The following HERC6 variants were observed in gnomAD, a reference collection of about 807,000 sequenced individuals.
HERC6 encodes probable E3 ubiquitin-protein ligase HERC6.
HERC6 carries 101 observed loss-of-function variants against 114.5 expected under a neutral mutation model. The ratio of observed to expected loss-of-function variants is 0.88; its 90% CI spans 0.75 to 1.04. The LOEUF (loss-of-function observed/expected upper bound fraction) is 1.04, where lower values mean the gene tolerates loss of function less well. Ranked by LOEUF, HERC6 falls within the 50% of genes least tolerant of loss-of-function variation. The probability of loss-of-function intolerance (pLI) is 0.00; values close to 1 mark genes in which losing one functional copy is unlikely to be tolerated. For missense variants in HERC6, 1,133 were observed against 1,230.9 expected, an observed-to-expected ratio of 0.92 and a Z score of 1.19; for synonymous variants, 408 against 436.2, an observed-to-expected ratio of 0.94 and a Z score of 0.81.
intron 1 of HERC6, among the ~76,000 whole-genome samples, chr4:88,379,489 T>C (rs1158444067): frequency 5.3e-5 from 8 of 151,372 alleles, no homozygotes; most frequent in Non-Finnish European, 1.2e-4. Context: ...GAAAGAGATG[T>C]GGTCCCTCCG....
chr4:88,393,678 C>G, intron 5 of HERC6, 96 bp downstream of exon 5: 1 of 627,224 alleles, frequency 1.6e-6, no homozygotes, highest in East Asian at 3.0e-5. Flanking sequence ...GACATTAGCC[C>G]ATTTGGGCCA....
intron 1 of HERC6, among the ~76,000 whole-genome samples, chr4:88,379,687 A>AATATATATAATATATAAAT (rs10670260): frequency 0.016 from 686 of 43,156 alleles, 90 homozygotes; most frequent in African/African-American, 0.072. Context: ...AATATATACA[A>AATATATATAATATATAAAT]ATATATAATA....
chr4:88,397,133 A>C, intron 7 of HERC6, 146 bp downstream of exon 7: 1 of 628,808 alleles, frequency 1.6e-6, no homozygotes. Flanking sequence ...TTTTTTTGAG[A>C]TGGAGTTTCG....
chr4:88,416,587 A>G lies in HERC6; in HGVS notation c.1559-838A>G, dbSNP rs536219967. On this transcript the variant is annotated intron_variant, in intron 12 of 22. Coordinates refer to ENST00000264346, the MANE Select transcript of HERC6 (RefSeq NM_017912.4). Reference sequence around the variant, plus strand: ...ATAATTTATAACTAAAATAATTCCCATCCTCCTGCTGTAATTGTTATTATT... The same window carrying G: ...ATAATTTATAACTAAAATAATTCCCGTCCTCCTGCTGTAATTGTTATTATT... Among the ~76,000 whole-genome samples, 5 of 152,092 alleles carry G rather than the reference A, an allele frequency of 3.3e-5. No individual in the cohort carries two copies. The East Asian group carries it at 9.6e-4, about 29-fold the overall frequency.
At position 88,396,015 on chromosome 4, in the gene HERC6, G is replaced by A. The variant is rs758241565; in HGVS notation, c.760G>A (p.Asp254Asn). The A allele has an allele frequency of 1.3e-6, 2 of 1,589,012 alleles. No homozygotes were observed. Among genetic ancestry groups the A allele is most frequent in the East Asian group, 4.6e-5 (2 of 43,322 alleles). Reference sequence around the variant, plus strand: ...ATTTGATTCTTCCTTTGCTAAGCAGGACGGGAAAGTGTTCACATTTGGAGA... The same window carrying A: ...ATTTGATTCTTCCTTTGCTAAGCAGAACGGGAAAGTGTTCACATTTGGAGA... ...GDAHTAVLTQ[D>N]GKVFTFGDNR... Residue 254 changes from aspartate to asparagine, a missense_variant and splice_region_variant, in exon 6 of 23, where the codon GAC becomes AAC. Asp to Asn is a conservative substitution (Grantham distance 23). Transcript: ENST00000264346.
At chr4:88,437,857 T>C in intron 20 of HERC6, 76 bp downstream of exon 20, 6 of 1,042,118 alleles carry the variant, frequency 5.8e-6, no homozygotes, top group Non-Finnish European at 7.2e-6. Flanking sequence ...TTTTAAAATG[T>C]ATTTTTAAAT....
At chr4:88,422,015 G>A (rs1156643739) in intron 13 of HERC6, among the ~76,000 whole-genome samples, 3 of 151,998 alleles carry the variant, frequency 2.0e-5, no homozygotes, top group East Asian at 1.9e-4. Context: ...GTCCCTTATC[G>A]GATATACGAT....
In HERC6 at chr4:88,379,522, C is replaced by T. The variant is rs184060646; in HGVS notation, c.199+402C>T. ...CCGGCTTGCCTTGCAGATAAATCCT[C>T]GCCTGCGCGGTTCTACCTGGAGAAG... On this transcript the variant is annotated intron_variant, in intron 1 of 22. Coordinates refer to ENST00000264346, the MANE Select transcript of HERC6 (RefSeq NM_017912.4). Among the ~76,000 whole-genome samples the T allele has an allele frequency of 7.2e-3, 1,083 of 150,508 alleles. 17 individuals are homozygous for T. The highest frequency in any genetic ancestry group is 0.025 in the African/African-American group (1,038 of 40,822).
chr4:88,405,159 T>C (rs1735760524), intron 9 of HERC6, 162 bp downstream of exon 9: 2 of 797,322 alleles, frequency 2.5e-6, no homozygotes, highest in Non-Finnish European at 1.9e-6. Context: ...AGTGTACTCA[T>C]TTACAGATAT....
chr4:88,393,146 A>G (rs1161267428), intron 4 of HERC6, among the ~76,000 whole-genome samples: 8 of 152,200 alleles, frequency 5.3e-5, no homozygotes, highest in Non-Finnish European at 8.8e-5. Context: ...GCATTCCGGA[A>G]GATTAGATAG....
At chr4:88,439,746 T>C (rs1739139015) in intron 20 of HERC6, 128 bp from the exon 21 acceptor site, 1 of 836,744 alleles carries the variant, frequency 1.2e-6, no homozygotes, top group Admixed American at 3.7e-5. Context: ...ACAACATTCT[T>C]GTGCTATATA....
chr4:88,396,749 A>G (rs1437970629), intron 6 of HERC6, 102 bp from the exon 7 acceptor site: 1 of 1,135,166 alleles, frequency 8.8e-7, no homozygotes, highest in Non-Finnish European at 1.2e-6. Flanking sequence ...AGTAAAAGTA[A>G]ATTGGGCTTT....
intron 13 of HERC6, among the ~76,000 whole-genome samples, chr4:88,422,972 TTATC>T (rs1737209755): frequency 6.6e-6 from 1 of 152,066 alleles, no homozygotes; most frequent in Non-Finnish European, 1.5e-5. Flanking sequence ...ATTTGTCTCT[TTATC>T]TAAGTTTTCA....
intron 8 of HERC6, chr4:88,398,640 G>A (rs1735376173): frequency 6.5e-6 from 1 of 154,390 alleles, no homozygotes; most frequent in African/African-American, 2.4e-5. Flanking sequence ...GTGTGTGAGT[G>A]TGCAGGGGTG....
chr4:88,432,820 A>G (rs1035516965), intron 17 of HERC6, among the ~76,000 whole-genome samples: 5 of 152,200 alleles, frequency 3.3e-5, no homozygotes, highest in African/African-American at 1.2e-4. Context: ...TCCTTAAAGT[A>G]TAAACATTTT....
intron 13 of HERC6, among the ~76,000 whole-genome samples, chr4:88,421,229 T>C (rs1451060018): frequency 6.6e-6 from 1 of 152,212 alleles, no homozygotes; most frequent in Non-Finnish European, 1.5e-5. Flanking sequence ...CTTTGGCTAT[T>C]ATGAATAATG....
chr4:88,398,295 A>C, intron 8 of HERC6, 86 bp downstream of exon 8: 1 of 673,480 alleles, frequency 1.5e-6, no homozygotes, highest in Non-Finnish European at 2.3e-6. Flanking sequence ...TTATTCATAC[A>C]TATTCAGGTC....
chr4:88,442,514 TCCTTA>T lies in HERC6; in HGVS notation c.*56_*60del. Reference sequence around the variant, plus strand: ...TCTCACACTTGGATCCTTCTGTTCTTCCTTACACCTAAATAATACAAGAGATTAAT... The same window carrying T: ...TCTCACACTTGGATCCTTCTGTTCTTCACCTAAATAATACAAGAGATTAAT... On this transcript the variant is annotated 3_prime_UTR_variant, in exon 23 of 23. Transcript: ENST00000264346. 8.1e-7 allele frequency: 1 copy of T among 1,233,926 alleles called. No homozygotes were observed. Among genetic ancestry groups the T allele is most frequent in the Non-Finnish European group, 1.2e-6 (1 of 847,238 alleles). 76.4% of individuals were successfully genotyped at this position (1,233,926 alleles called of 1,614,324 possible).
chr4:88,418,354 G>A (rs1043888627), intron 13 of HERC6, among the ~76,000 whole-genome samples: 3 of 152,260 alleles, frequency 2.0e-5, no homozygotes, highest in Admixed American at 1.3e-4. Context: ...AAGTAGGAGC[G>A]AGCCAAAAGA....
Sources: gnomAD v4.1 joint callset for allele counts (sites outside exome capture counted in the v4.1 genomes callset) on GRCh38, gnomAD v4.1.1 for gene constraint, MANE v1.5 for transcripts, NCBI Gene and HGNC (gene_info 2026-07-23, HGNC 2026-07-21) for gene names.